PHACTR1: variants seen among roughly 807,000 people sequenced by gnomAD.
PHACTR1 encodes phosphatase and actin regulator 1.
PHACTR1 carries 16 observed loss-of-function variants against 69.2 expected under a neutral mutation model. The ratio of observed to expected loss-of-function variants is 0.23; its 90% CI spans 0.16 to 0.35. The LOEUF (loss-of-function observed/expected upper bound fraction) is 0.35. PHACTR1 is among the 10% of genes least tolerant of loss of function. The pLI is 1.00. For missense variants in PHACTR1, 510 were observed against 734.7 expected, an observed-to-expected ratio of 0.69 and a Z score of 3.54; for synonymous variants, 312 against 284.5, an observed-to-expected ratio of 1.10 and a Z score of -0.97.
At chr6:13,272,227 T>C (rs1391339738) in intron 10 of PHACTR1, 2 of 152,550 alleles carry the variant, frequency 1.3e-5, no homozygotes, top group Non-Finnish European at 2.9e-5. Flanking sequence ...CATTGCGTCA[T>C]TGCAGGCTCA....
At chr6:12,764,299 G>T (rs1241134353) in intron 4 of PHACTR1, among the ~76,000 whole-genome samples, 2 of 152,144 alleles carry the variant, frequency 1.3e-5, no homozygotes, top group East Asian at 3.9e-4. Context: ...GTGTATTAAG[G>T]CTAGTGCAAT....
chr6:12,772,861 A>C lies in PHACTR1; in HGVS notation c.250+23071A>C, dbSNP rs543548561. ...GTCCGTGTTTAAAGTTTCTGTTTGC[A>C]CTAGGATGTGTCGTTGAATCGCAGA... On this transcript the variant is annotated intron_variant, in intron 4 of 14. Transcript: ENST00000332995. Among the ~76,000 whole-genome samples, 131 of 152,358 alleles carry C rather than the reference A, an allele frequency of 8.6e-4. 2 individuals carry two copies. In the South Asian group the frequency reaches 0.018, roughly 21 times the overall value.
intron 4 of PHACTR1, among the ~76,000 whole-genome samples, chr6:12,811,957 C>T (rs1405776144): frequency 2.6e-5 from 4 of 151,872 alleles, no homozygotes; most frequent in Non-Finnish European, 5.9e-5. Flanking sequence ...CTACAGGGTG[C>T]CTGGGGAAGA....
At chr6:13,033,828 T>G (rs1027222401) in intron 4 of PHACTR1, among the ~76,000 whole-genome samples, 9 of 152,200 alleles carry the variant, frequency 5.9e-5, no homozygotes, top group Non-Finnish European at 1.0e-4. Flanking sequence ...AGAACTAGTT[T>G]ATGACTTTTA....
chr6:12,899,702 G>A (rs1299244650), intron 4 of PHACTR1, among the ~76,000 whole-genome samples: 1 of 152,254 alleles, frequency 6.6e-6, no homozygotes, highest in Non-Finnish European at 1.5e-5. Flanking sequence ...CTTAGGATAA[G>A]CCCTGCAGTG....
intron 10 of PHACTR1, among the ~76,000 whole-genome samples, chr6:13,242,747 A>G (rs746223879): frequency 2.0e-5 from 3 of 152,212 alleles, no homozygotes; most frequent in Non-Finnish European, 4.4e-5. Context: ...GGAACAGTGG[A>G]CTTTGAGCTC....
intron 10 of PHACTR1, among the ~76,000 whole-genome samples, chr6:13,264,116 A>G (rs1776286333): frequency 6.6e-6 from 1 of 152,216 alleles, no homozygotes. Flanking sequence ...TCTTCAGTGT[A>G]TCTCAACTTG....
At chr6:13,272,971 T>G in intron 11 of PHACTR1, 56 bp downstream of exon 11, 1 of 1,605,972 alleles carries the variant, frequency 6.2e-7, no homozygotes, top group Non-Finnish European at 8.5e-7. Flanking sequence ...TTTGTTATTA[T>G]TTAATGGTAG....
chr6:12,732,136 A>C (rs1044014539), intron 3 of PHACTR1, among the ~76,000 whole-genome samples: 4 of 152,080 alleles, frequency 2.6e-5, no homozygotes, highest in African/African-American at 7.2e-5. Flanking sequence ...CGATACACAT[A>C]ACTTGTTTTT....
At chr6:13,078,239 G>A (rs1362398584) in intron 5 of PHACTR1, among the ~76,000 whole-genome samples, 1 of 152,092 alleles carries the variant, frequency 6.6e-6, no homozygotes, top group Admixed American at 6.6e-5. Flanking sequence ...TCACCATCTT[G>A]GTCATTCCTT....
In PHACTR1 at chr6:12,718,689, C is replaced by A; in HGVS notation, c.-46-10C>A. The A allele has an allele frequency of 2.3e-6, 2 of 878,026 alleles. No individual in the cohort carries two copies. Among genetic ancestry groups the A allele is most frequent in the Non-Finnish European group, 1.7e-6 (1 of 592,420 alleles). 54.4% of individuals were successfully genotyped at this position (878,026 alleles called of 1,614,324 possible). A position where few individuals can be genotyped will look rare whatever the true frequency, so the allele number is the denominator to read the frequency against. ...CTAAAATATTGTGGATTTTTTTTTC[C>A]TCTTTATAGGTGTTCCAGTGTTTTC... On this transcript the variant is annotated splice_polypyrimidine_tract_variant and intron_variant, in intron 2 of 14. Coordinates refer to ENST00000332995, the MANE Select transcript of PHACTR1 (RefSeq NM_030948.6).
At chr6:12,924,695 A>C (rs1788083522) in intron 4 of PHACTR1, among the ~76,000 whole-genome samples, 1 of 151,724 alleles carries the variant, frequency 6.6e-6, no homozygotes, top group African/African-American at 2.4e-5. Flanking sequence ...GAATGGCATG[A>C]ACCCAGGAGG....
chr6:13,138,399 G>A lies in PHACTR1; in HGVS notation c.416-21805G>A, dbSNP rs1821885697. On this transcript the variant is annotated intron_variant, in intron 5 of 14. Transcript: ENST00000332995. The stretch of plus-strand genomic sequence containing the variant: ...ATGCTCCAAGAAAAGGGAATTTAGG[G>A]GTCTATTTTCAAGTGTTGATTAGAA... Among the ~76,000 whole-genome samples the A allele has an allele frequency of 2.0e-5, 3 of 152,134 alleles. No individual in the cohort carries two copies. In the South Asian group the frequency reaches 6.2e-4, roughly 32 times the overall value.
chr6:13,117,171 G>A (rs540484402), intron 5 of PHACTR1, among the ~76,000 whole-genome samples: 8 of 152,250 alleles, frequency 5.3e-5, no homozygotes, highest in African/African-American at 1.9e-4. Flanking sequence ...GGAAACCTGC[G>A]TCTTTTCCCC....
chr6:12,935,153 T>C (rs1233648351), intron 4 of PHACTR1, among the ~76,000 whole-genome samples: 3 of 152,234 alleles, frequency 2.0e-5, no homozygotes, highest in African/African-American at 7.2e-5. Context: ...TAAGAGCCTA[T>C]AATTTAATGT....
intron 4 of PHACTR1, among the ~76,000 whole-genome samples, chr6:12,925,544 A>G (rs947070769): frequency 2.0e-5 from 3 of 152,224 alleles, no homozygotes; most frequent in African/African-American, 7.2e-5. Context: ...TAAAACTTCT[A>G]GCCCATAGAG....
chr6:13,030,671 T>A lies in PHACTR1; in HGVS notation c.251-22694T>A, dbSNP rs116329028. On this transcript the variant is annotated intron_variant, in intron 4 of 14. Transcript: ENST00000332995. ...TGTTTGTATTATAGCTGAAACAAGATAAATCACACATGTGAAACAGCTGTC... is the reference window on the plus strand; with the variant it reads ...TGTTTGTATTATAGCTGAAACAAGAAAAATCACACATGTGAAACAGCTGTC... Among the ~76,000 whole-genome samples the A allele has an allele frequency of 6.1e-3, 925 of 152,326 alleles. 15 individuals carry two copies. The highest frequency in any genetic ancestry group is 0.021 in the African/African-American group (883 of 41,574).
intron 4 of PHACTR1, among the ~76,000 whole-genome samples, chr6:13,001,430 G>A (rs1246559845): frequency 6.6e-6 from 1 of 152,190 alleles, no homozygotes; most frequent in Non-Finnish European, 1.5e-5. Context: ...ACCTTGAAAG[G>A]AGGATGGTTT....
At chr6:13,057,849 C>T (rs1345043162) in intron 5 of PHACTR1, among the ~76,000 whole-genome samples, 3 of 152,166 alleles carry the variant, frequency 2.0e-5, no homozygotes, top group Non-Finnish European at 4.4e-5. Flanking sequence ...CTGAAGGCTG[C>T]CATCCTTAAA....
Sources: gnomAD v4.1 joint callset for allele counts (sites outside exome capture counted in the v4.1 genomes callset) on GRCh38, gnomAD v4.1.1 for gene constraint, MANE v1.5 for transcripts, NCBI Gene and HGNC (gene_info 2026-07-23, HGNC 2026-07-21) for gene names.